The following TRHDE variants were observed in gnomAD, a reference collection of about 807,000 sequenced individuals.
TRHDE encodes the protein thyrotropin releasing hormone degrading enzyme.
TRHDE carries 72 observed loss-of-function variants against 125.7 expected under a neutral mutation model. The observed-to-expected ratio is 0.57, with a 90% CI of 0.47 to 0.70. The LOEUF is 0.70. Among genes scored for constraint, TRHDE ranks in the 30% least tolerant of loss-of-function variants. The pLI is 0.00. For missense variants in TRHDE, 1,110 were observed against 1,327.1 expected (o/e 0.84, Z 2.54); for synonymous variants, 509 against 509.1 (o/e 1.00, Z 0.00).
chr12:72,347,947 A>G (rs1397733672), intron 2 of TRHDE, among the ~76,000 whole-genome samples: 1 of 152,040 alleles, frequency 6.6e-6, no homozygotes, highest in Admixed American at 6.6e-5. Flanking sequence ...ACCAGTAGGC[A>G]GGGGGACATC....
At chr12:72,120,488 T>C (rs1050081580) in intron 2 of TRHDE, among the ~76,000 whole-genome samples, 15 of 152,250 alleles carry the variant, frequency 9.9e-5, no homozygotes, top group African/African-American at 2.9e-4. Context: ...TTTCTTGCTT[T>C]CTATTTTTTG....
chr12:72,451,229 G>C (rs1875554287), intron 3 of TRHDE, among the ~76,000 whole-genome samples: 1 of 151,988 alleles, frequency 6.6e-6, no homozygotes, highest in East Asian at 1.9e-4. Flanking sequence ...TTTCTCCTCT[G>C]TTTTCTTCTA....
At chr12:72,518,902 T>A (rs1486798523) in intron 6 of TRHDE, among the ~76,000 whole-genome samples, 3 of 151,822 alleles carry the variant, frequency 2.0e-5, no homozygotes, top group Non-Finnish European at 3.0e-5. Context: ...CCTTCACTTA[T>A]GAAGCTTAGT....
intron 15 of TRHDE, among the ~76,000 whole-genome samples, chr12:72,645,943 C>A (rs888771285): frequency 6.6e-5 from 10 of 152,044 alleles, no homozygotes; most frequent in African/African-American, 2.4e-4. Context: ...TCATCACCAG[C>A]AGACTTGCCT....
At chr12:72,100,556 G>A (rs1238440954) in intron 1 of TRHDE, among the ~76,000 whole-genome samples, 1 of 152,184 alleles carries the variant, frequency 6.6e-6, no homozygotes, top group Non-Finnish European at 1.5e-5. Flanking sequence ...TGTGTTTGCT[G>A]TTGTCATAGT....
At chr12:72,443,814 C>T (rs1039294394) in intron 3 of TRHDE, among the ~76,000 whole-genome samples, 1 of 151,516 alleles carries the variant, frequency 6.6e-6, no homozygotes, top group Non-Finnish European at 1.5e-5. Context: ...GCGTGGATTC[C>T]AAGAGAAAAG....
chr12:72,353,026 G>T (rs1481880406), intron 2 of TRHDE, among the ~76,000 whole-genome samples: 1 of 150,890 alleles, frequency 6.6e-6, no homozygotes, highest in Non-Finnish European at 1.5e-5. Flanking sequence ...ATACAACCAT[G>T]AATACAATTG....
At chr12:72,551,603 T>C (rs949354589) in intron 7 of TRHDE, among the ~76,000 whole-genome samples, 4 of 152,164 alleles carry the variant, frequency 2.6e-5, no homozygotes, top group Non-Finnish European at 4.4e-5. Context: ...GTCATTCATT[T>C]ATTCCACATG....
intron 7 of TRHDE, among the ~76,000 whole-genome samples, chr12:72,548,340 C>A (rs1253762894): frequency 1.3e-5 from 2 of 151,706 alleles, no homozygotes; most frequent in African/African-American, 4.8e-5. Context: ...AAAAATTTCT[C>A]ACCTTACAGC....
chr12:72,263,521 A>G (rs557609967), intron 2 of TRHDE: 1 of 152,276 alleles, frequency 6.6e-6, no homozygotes, highest in East Asian at 1.9e-4. Context: ...ATTCTAGTGC[A>G]TCTTTTAATT....
intron 2 of TRHDE, among the ~76,000 whole-genome samples, chr12:72,249,187 A>T (rs891792695): frequency 4.6e-5 from 7 of 152,216 alleles, no homozygotes; most frequent in African/African-American, 1.7e-4. Flanking sequence ...CTTAAAAAAA[A>T]TGATAAATTG....
Position 72,286,724 on chromosome 12 carries a change from G to A in TRHDE, c.958G>A (p.Ala320Thr), listed in dbSNP as rs1256180682. The A allele has an allele frequency of 5.0e-6, 8 of 1,613,658 alleles. No individual in the cohort carries two copies. The highest frequency in any genetic ancestry group is 6.8e-6 in the Non-Finnish European group (8 of 1,179,946). ...GTTTTCGCCTACACATGCCAGAAAGGCATTTCCTTGTTTTGATGAGCCAAT... is the reference window on the plus strand; with the variant it reads ...GTTTTCGCCTACACATGCCAGAAAGACATTTCCTTGTTTTGATGAGCCAAT... The part of the protein sequence containing the change: ...TQFSPTHARK[A>T]FPCFDEPIYK... Residue 320 changes from alanine to threonine, a missense_variant, in exon 2 of 19, where the codon GCA becomes ACA. Transcript: ENST00000261180.
At chr12:72,643,928 A>G (rs913312602) in intron 15 of TRHDE, among the ~76,000 whole-genome samples, 1 of 152,138 alleles carries the variant, frequency 6.6e-6, no homozygotes, top group Non-Finnish European at 1.5e-5. Context: ...CTCTCAGAAG[A>G]TTATATGCTG....
intron 2 of TRHDE, among the ~76,000 whole-genome samples, chr12:72,345,329 C>G (rs993900139): frequency 1.3e-5 from 2 of 152,056 alleles, no homozygotes; most frequent in Admixed American, 6.6e-5. Flanking sequence ...TGTATATACT[C>G]ACACTAAAGC....
intron 16 of TRHDE, 49 bp downstream of exon 16, chr12:72,652,538 T>C: frequency 1.4e-6 from 2 of 1,439,064 alleles, no homozygotes; most frequent in Non-Finnish European, 1.9e-6. Context: ...AAGTATTCTG[T>C]TAATCAAATT....
intron 15 of TRHDE, among the ~76,000 whole-genome samples, chr12:72,637,623 T>C (rs1223097274): frequency 6.6e-6 from 1 of 152,112 alleles, no homozygotes; most frequent in Non-Finnish European, 1.5e-5. Flanking sequence ...TCTTTCCTGC[T>C]TTCTCTTGTG....
At chr12:72,143,518 G>C (rs1876163472) in intron 2 of TRHDE, among the ~76,000 whole-genome samples, 1 of 151,948 alleles carries the variant, frequency 6.6e-6, no homozygotes, top group Non-Finnish European at 1.5e-5. Context: ...GGGGTACAGG[G>C]TGGTGAGAGG....
At chr12:72,194,078 A>G (rs1197389435) in intron 2 of TRHDE, among the ~76,000 whole-genome samples, 1 of 152,124 alleles carries the variant, frequency 6.6e-6, no homozygotes, top group Admixed American at 6.6e-5. Context: ...ATAAACACCC[A>G]ACAGAACATA....
intron 2 of TRHDE, among the ~76,000 whole-genome samples, chr12:72,116,730 A>G (rs1875453898): frequency 6.6e-6 from 1 of 151,822 alleles, no homozygotes; most frequent in African/African-American, 2.4e-5. Context: ...AAATTTATTT[A>G]AGTTCCTTGC....
Sources: gnomAD v4.1 joint callset for allele counts (sites outside exome capture counted in the v4.1 genomes callset) on GRCh38, gnomAD v4.1.1 for gene constraint, MANE v1.5 for transcripts, NCBI Gene and HGNC (gene_info 2026-07-23, HGNC 2026-07-21) for gene names.